Variants in SLC6A14 observed in about 807,000 individuals in gnomAD.
The protein encoded by SLC6A14 is sodium- and chloride-dependent neutral and basic amino acid transporter B(0+).
SLC6A14 carries 21 observed loss-of-function variants against 51.4 expected under a neutral mutation model. That is an observed-to-expected ratio of 0.41 (90% CI 0.29 to 0.59). SLC6A14 has a LOEUF of 0.59. Ranked by LOEUF, SLC6A14 falls within the 20% of genes least tolerant of loss-of-function variation. The pLI, the probability that SLC6A14 is intolerant of heterozygous loss-of-function variation, is 0.31. For missense variants in SLC6A14, 371 were observed against 472.8 expected (o/e 0.78, Z 2.00); for synonymous variants, 177 against 160.7 (o/e 1.10, Z -0.77).
At chrX:116,452,365 G>A (rs1927840872) in intron 8 of SLC6A14, among the ~76,000 whole-genome samples, 1 of 111,138 alleles carries the variant, frequency 9.0e-6, no homozygotes, top group Non-Finnish European at 1.9e-5. Context: ...ATAGAGCCTA[G>A]ACTAAAAGCT....
intron 2 of SLC6A14, among the ~76,000 whole-genome samples, chrX:116,439,970 T>G (rs1348472869): frequency 2.7e-5 from 3 of 111,570 alleles, no homozygotes. Flanking sequence ...GATGTTACAG[T>G]ATCATAATAT....
rs782493010 is a variant in SLC6A14 at position 116,436,713 on chromosome X, G to C, written c.4G>C (p.Asp2His). M[D>H]KLKCPSFFKC... ...GAGCCAGCCGAGGGAGTGAACCATGGACAAGTTGAAATGCCCGAGTTTCTT... is the reference window on the plus strand; with the variant it reads ...GAGCCAGCCGAGGGAGTGAACCATGCACAAGTTGAAATGCCCGAGTTTCTT... Residue 2 changes from aspartate (D) to histidine (H), a missense_variant, in exon 1 of 14, where the codon GAC becomes CAC. Physicochemically the swap from Asp to His is moderately conservative, Grantham distance 81. Around this residue, in one of 2 missense-constraint regions of SLC6A14, gnomAD observed 277 missense variants for 391.8 expected, o/e 0.71. Coordinates refer to ENST00000598581, the MANE Select transcript of SLC6A14 (RefSeq NM_007231.5). The C allele has an allele frequency of 5.1e-6, 6 of 1,165,805 alleles. No individual in the cohort carries two copies. The highest frequency in any genetic ancestry group is 1.1e-6 in the Non-Finnish European group (1 of 871,950).
chrX:116,444,011 A>T (rs371826844), intron 5 of SLC6A14, among the ~76,000 whole-genome samples: 6 of 111,933 alleles, frequency 5.4e-5, no homozygotes, highest in African/African-American at 1.9e-4. Flanking sequence ...TAAATTAGTT[A>T]TTAAATGGGC....
chrX:116,448,900 T>C (rs1202222373), intron 7 of SLC6A14, among the ~76,000 whole-genome samples: 3 of 111,805 alleles, frequency 2.7e-5, no homozygotes, highest in Admixed American at 1.9e-4. Flanking sequence ...ACCCCTTTTC[T>C]CTCCAACACG....
At chrX:116,447,883 C>T (rs1218821679) in intron 7 of SLC6A14, among the ~76,000 whole-genome samples, 5 of 111,602 alleles carry the variant, frequency 4.5e-5, no homozygotes, top group Admixed American at 3.8e-4. Context: ...AGGTGTGAGC[C>T]ACCGCACCTG....
rs1927999770 is a variant in SLC6A14 at position 116,459,500 on chromosome X, C to T, written c.*545C>T. The T allele has an allele frequency of 9.0e-6, 1 of 111,088 alleles. No homozygotes were observed. The highest frequency in any genetic ancestry group is 9.7e-5 in the Admixed American group (1 of 10,346). The allele number at this position is 111,088 out of a possible 1,213,427, so 9.2% of individuals were successfully genotyped here. ...AGGACTGTAGTTTAATACTTTTTAC[C>T]CAAATATGTTTAAAAACTTCGTGCA... On this transcript the variant is annotated 3_prime_UTR_variant, in exon 14 of 14. Coordinates refer to ENST00000598581, the MANE Select transcript of SLC6A14 (RefSeq NM_007231.5).
chrX:116,459,010 G>A lies in SLC6A14; in HGVS notation c.*55G>A. 4 of 988,183 alleles carry A rather than the reference G, an allele frequency of 4.0e-6. No homozygotes were observed. The highest frequency in any genetic ancestry group is 5.5e-6 in the Non-Finnish European group (4 of 722,202). The allele number at this position is 988,183 out of a possible 1,213,427, so 81.4% of individuals were successfully genotyped here. A position where few individuals can be genotyped will look rare whatever the true frequency, so the allele number is the denominator to read the frequency against. On this transcript the variant is annotated 3_prime_UTR_variant, in exon 14 of 14. Transcript: ENST00000598581. ...TAATGTGATTTTTTTTAGAATAGGG[G>A]GAACCTTATTTATTTGTGTGTTAAC...
intron 7 of SLC6A14, among the ~76,000 whole-genome samples, chrX:116,450,309 C>T (rs1418077587): frequency 9.0e-6 from 1 of 111,233 alleles, no homozygotes; most frequent in Non-Finnish European, 1.9e-5. Context: ...CCGAGTAAGA[C>T]AGCCCAAACC....
At chrX:116,441,143 A>G in intron 3 of SLC6A14, 46 bp downstream of exon 3, 1 of 1,177,149 alleles carries the variant, frequency 8.5e-7, no homozygotes, top group Non-Finnish European at 1.1e-6. Context: ...TTTCTTCACC[A>G]TGCTTTTTTG....
chrX:116,453,095 T>A lies in SLC6A14; in HGVS notation c.1238T>A (p.Phe413Tyr). ...PGGPFWSILFFFMLLTLGLDS... is the reference protein window; with the variant it reads ...PGGPFWSILFYFMLLTLGLDS... The stretch of plus-strand genomic sequence containing the variant: ...GGTCCATTTTGGTCCATATTATTTT[T>A]TTTCATGCTTTTAACTTTGGGTCTC... Residue 413 changes from phenylalanine to tyrosine, a missense_variant, in exon 9 of 14, where the codon TTT becomes TAT. Coordinates refer to ENST00000598581, the MANE Select transcript of SLC6A14 (RefSeq NM_007231.5). 8.3e-7 allele frequency: 1 copy of A among 1,205,092 alleles called. No homozygotes were observed. The highest frequency in any genetic ancestry group is 1.1e-6 in the Non-Finnish European group (1 of 891,420).
At chrX:116,447,265 T>TG (rs1220622489) in intron 7 of SLC6A14, among the ~76,000 whole-genome samples, 4 of 112,281 alleles carry the variant, frequency 3.6e-5, no homozygotes, top group African/African-American at 1.3e-4. Flanking sequence ...AGATTACTGT[T>TG]GAAAGTTTAA....
chrX:116,454,882 A>G, intron 10 of SLC6A14, 95 bp from the exon 11 acceptor site: 1 of 622,970 alleles, frequency 1.6e-6, no homozygotes, highest in Non-Finnish European at 2.5e-6. Flanking sequence ...TAAGGAGCAT[A>G]TGTCAAGATC....
intron 7 of SLC6A14, among the ~76,000 whole-genome samples, chrX:116,450,088 G>T (rs59036084): frequency 1.8e-5 from 2 of 111,155 alleles, no homozygotes; most frequent in Non-Finnish European, 3.8e-5. Flanking sequence ...GGGCTTAGCC[G>T]TTTTTTAAAA....
At position 116,436,713 on chromosome X, in the gene SLC6A14, G is replaced by A. The variant is rs782493010; in HGVS notation, c.4G>A (p.Asp2Asn). 28 of 1,165,805 alleles carry A rather than the reference G, an allele frequency of 2.4e-5. No homozygotes were observed. Among genetic ancestry groups the A allele is most frequent in the Middle Eastern group, 2.3e-4 (1 of 4,295 alleles). Residue 2 changes from aspartate (D) to asparagine (N), a missense_variant, in exon 1 of 14, where the codon GAC becomes AAC. Physicochemically the swap from Asp to Asn is conservative, Grantham distance 23. This residue lies in a region of SLC6A14 where 277 missense variants were observed against 391.8 expected (regional missense o/e 0.71). Coordinates refer to ENST00000598581, the MANE Select transcript of SLC6A14 (RefSeq NM_007231.5). ...GAGCCAGCCGAGGGAGTGAACCATG[G>A]ACAAGTTGAAATGCCCGAGTTTCTT... M[D>N]KLKCPSFFKC...
At chrX:116,453,350 G>C (rs1471634529) in intron 9 of SLC6A14, among the ~76,000 whole-genome samples, 1 of 110,747 alleles carries the variant, frequency 9.0e-6, no homozygotes, top group African/African-American at 3.3e-5. Flanking sequence ...TATCATACTT[G>C]TTTCAGATAT....
chrX:116,449,887 T>A (rs1451620877), intron 7 of SLC6A14, among the ~76,000 whole-genome samples: 1 of 112,068 alleles, frequency 8.9e-6, no homozygotes, highest in African/African-American at 3.2e-5. Context: ...ATTTAATTGA[T>A]AATATCAATT....
Position 116,455,505 on chromosome X carries a change from C to T in SLC6A14, c.1614+39C>T, listed in dbSNP as rs782144719. Reference sequence around the variant, plus strand: ...CACCATGAACTTGATTTCGATAATACATATGTTCTAAGATAAACTTAATAA... The same window carrying T: ...CACCATGAACTTGATTTCGATAATATATATGTTCTAAGATAAACTTAATAA... On this transcript the variant is annotated intron_variant, in intron 12 of 13. Coordinates refer to ENST00000598581, the MANE Select transcript of SLC6A14 (RefSeq NM_007231.5). The T allele has an allele frequency of 9.5e-6, 8 of 845,870 alleles. No homozygotes were observed. The East Asian group carries it at 2.5e-4, about 27-fold the overall frequency. 69.7% of individuals were successfully genotyped at this position (845,870 alleles called of 1,213,427 possible).
chrX:116,457,874 T>C (rs782406703), intron 13 of SLC6A14, 98 bp downstream of exon 13: 1 of 613,940 alleles, frequency 1.6e-6, no homozygotes, highest in African/African-American at 2.2e-5. Context: ...TTGTATGAAA[T>C]ACAATTAATT....
chrX:116,453,638 T>C (rs1227677934), intron 9 of SLC6A14, among the ~76,000 whole-genome samples: 1 of 111,363 alleles, frequency 9.0e-6, no homozygotes, highest in African/African-American at 3.2e-5. Context: ...CACAATCTCT[T>C]TGTTGCCATA....
Sources: allele counts gnomAD v4.1 joint callset (sites outside exome capture counted in the v4.1 genomes callset), GRCh38; gene constraint gnomAD v4.1.1; regional missense constraint gnomAD v4.1.1; transcripts MANE v1.5; gene names NCBI Gene and HGNC (gene_info 2026-07-23, HGNC 2026-07-21).